ITGB1BP1: variants seen among roughly 807,000 people sequenced by gnomAD.
ITGB1BP1 encodes the protein integrin beta-1-binding protein 1.
Under a neutral mutation model 28.0 loss-of-function variants are expected in ITGB1BP1, and 20 were observed. The ratio of observed to expected loss-of-function variants is 0.71; its 90% CI spans 0.50 to 1.04. The LOEUF (loss-of-function observed/expected upper bound fraction) is 1.04. Ranked by LOEUF, ITGB1BP1 falls within the 50% of genes least tolerant of loss-of-function variation. ITGB1BP1 has a pLI of 0.00. For missense variants in ITGB1BP1, 228 were observed against 242.5 expected, an observed-to-expected ratio of 0.94 and a Z score of 0.40; for synonymous variants, 103 against 89.5, an observed-to-expected ratio of 1.15 and a Z score of -0.85.
intron 4 of ITGB1BP1, 51 bp from the exon 5 acceptor site, chr2:9,408,256 C>A: frequency 8.8e-7 from 1 of 1,141,336 alleles, no homozygotes; most frequent in South Asian, 1.2e-5. Context: ...ACATAATAGT[C>A]TTAAGTCTGA....
At chr2:9,417,427 CT>C (rs887595071) in intron 2 of ITGB1BP1, among the ~76,000 whole-genome samples, 2 of 148,350 alleles carry the variant, frequency 1.3e-5, no homozygotes, top group Admixed American at 6.7e-5. Flanking sequence ...CTTTTCTTTT[CT>C]TTTTTTTTTG....
chr2:9,407,338 G>T, intron 6 of ITGB1BP1, 111 bp downstream of exon 6: 2 of 1,237,764 alleles, frequency 1.6e-6, no homozygotes, highest in Non-Finnish European at 2.3e-6. Flanking sequence ...CTATCCCCAG[G>T]CCAAGATATT....
At chr2:9,414,919 C>T (rs1678922504) in intron 2 of ITGB1BP1, among the ~76,000 whole-genome samples, 1 of 152,180 alleles carries the variant, frequency 6.6e-6, no homozygotes. Flanking sequence ...GGGAGTTGTT[C>T]CTCAGAGCTA....
At chr2:9,423,258 C>T in intron 1 of ITGB1BP1, 115 bp downstream of exon 1, 2 of 1,167,782 alleles carry the variant, frequency 1.7e-6, no homozygotes, top group South Asian at 3.1e-5. Context: ...ATCCCTCCTC[C>T]GCCCGCCCCG....
chr2:9,414,161 C>A lies in ITGB1BP1; in HGVS notation c.151+17G>T. The A allele has an allele frequency of 1.2e-6, 2 of 1,606,112 alleles. No homozygotes were observed. Among genetic ancestry groups the A allele is most frequent in the Non-Finnish European group, 1.7e-6 (2 of 1,172,898 alleles). On this transcript the variant is annotated intron_variant, in intron 3 of 6. Coordinates refer to ENST00000355346, the MANE Select transcript of ITGB1BP1 (RefSeq NM_004763.5). The stretch of plus-strand genomic sequence containing the variant: ...ATGAAAAGCGCAGACAATCAATGAT[C>A]CAACCCTTTTATGTACCTGAGCTTT...
At position 9,404,637 on chromosome 2, in the gene ITGB1BP1, T is replaced by C. The variant is rs889986062; in HGVS notation, c.*2197A>G. On this transcript the variant is annotated 3_prime_UTR_variant, in exon 7 of 7. Coordinates refer to ENST00000355346, the MANE Select transcript of ITGB1BP1 (RefSeq NM_004763.5). ...ACAAAAGTAAAGGAATAAATTTGCA[T>C]ATAGGCTTGGAAAGTGAGGCAGCAA... 2 of 152,552 alleles carry C rather than the reference T, an allele frequency of 1.3e-5. No homozygotes were observed. Among genetic ancestry groups the C allele is most frequent in the Non-Finnish European group, 2.9e-5 (2 of 68,036 alleles). 9.4% of individuals were successfully genotyped at this position (152,552 alleles called of 1,614,324 possible).
chr2:9,415,380 AAAAC>A lies in ITGB1BP1; in HGVS notation c.73-1128_73-1125del, dbSNP rs973824608. 1.8e-4 allele frequency among the ~76,000 whole-genome samples: 28 copies of A among 152,186 alleles called. No homozygotes were observed. The highest frequency in any genetic ancestry group is 5.5e-4 in the African/African-American group (23 of 41,524). ...GGCAACAAGAGTGAAACTCCATCTC[AAAAC>A]AAACAAACAAAAACACACACACAAA... is the stretch of plus-strand genomic sequence containing the variant. On this transcript the variant is annotated intron_variant, in intron 2 of 6. Transcript: ENST00000355346. This position sits in a 1 kb window ranked among gnomAD's most constrained non-coding sequence, Gnocchi z 4.1.
Position 9,404,874 on chromosome 2 carries a change from T to TTTTTTG in ITGB1BP1, c.*1954_*1959dup, listed in dbSNP as rs1174649244. Reference sequence around the variant, plus strand: ...GGGTAAAAATGTGTTATATCTGTAGTTTTTTGTTTTTGTTTTTTTTTAAAG... The same window carrying TTTTTTG: ...GGGTAAAAATGTGTTATATCTGTAGTTTTTTGTTTTTGTTTTTGTTTTTTTTTAAAG... On this transcript the variant is annotated 3_prime_UTR_variant, in exon 7 of 7. Coordinates refer to ENST00000355346, the MANE Select transcript of ITGB1BP1 (RefSeq NM_004763.5). The TTTTTTG allele has an allele frequency of 6.6e-6, 1 of 152,514 alleles. No homozygotes were observed. The highest frequency in any genetic ancestry group is 6.5e-5 in the Admixed American group (1 of 15,268). The allele number at this position is 152,514 out of a possible 1,614,324, so 9.4% of individuals were successfully genotyped here.
chr2:9,406,887 A>G lies in ITGB1BP1; in HGVS notation c.550T>C (p.Cys184Arg), dbSNP rs1301526305. The G allele has an allele frequency of 1.2e-6, 2 of 1,612,856 alleles. No homozygotes were observed. Among genetic ancestry groups the G allele is most frequent in the Admixed American group, 3.3e-5 (2 of 60,036 alleles). ...TCAAAAGCGGTGGATAAAACCTTGC[A>G]AATGGCTTGTGCTTGTTCCTACATT... Reference protein sequence around the residue: ...CNSLEQAQAICKVLSTAFDSV... With the variant: ...CNSLEQAQAIRKVLSTAFDSV... The change falls in exon 7 of 7, where the codon TGC (cysteine) becomes CGC (arginine). Residue 184 changes from cysteine (C) to arginine (R), a missense_variant. Cys to Arg is a radical substitution (Grantham distance 180). Transcript: ENST00000355346.
In ITGB1BP1 at chr2:9,405,748, C is replaced by G. The variant is rs976593980; in HGVS notation, c.*1086G>C. On this transcript the variant is annotated 3_prime_UTR_variant, in exon 7 of 7. Coordinates refer to ENST00000355346, the MANE Select transcript of ITGB1BP1 (RefSeq NM_004763.5). Reference sequence around the variant, plus strand: ...TTGACAGTCCTTTAAAAAAAGTACACTATCATACTGTACATGGGATCTTTA... The same window carrying G: ...TTGACAGTCCTTTAAAAAAAGTACAGTATCATACTGTACATGGGATCTTTA... 9.9e-5 allele frequency: 15 copies of G among 152,040 alleles called. No homozygotes were observed. Among genetic ancestry groups the G allele is most frequent in the Non-Finnish European group, 2.1e-4 (14 of 68,038 alleles). The allele number at this position is 152,040 out of a possible 1,614,324, so 9.4% of individuals were successfully genotyped here.
rs1162919216 is a variant in ITGB1BP1, at chr2:9,406,900, T to A, written c.537A>T (p.Gln179His). The A allele has an allele frequency of 6.2e-7, 1 of 1,610,312 alleles. No individual in the cohort carries two copies. Among genetic ancestry groups the A allele is most frequent in the Admixed American group, 1.7e-5 (1 of 60,004 alleles). The change falls in exon 7 of 7, where the codon CAA becomes CAT. Residue 179 changes from glutamine to histidine, a missense_variant. Coordinates refer to ENST00000355346, the MANE Select transcript of ITGB1BP1 (RefSeq NM_004763.5). ...LWVYQCNSLE[Q>H]AQAICKVLST... ...ATAAAACCTTGCAAATGGCTTGTGC[T>A]TGTTCCTACATTACATGAAAGATAG...
rs1299059177 is a variant in ITGB1BP1 at position 9,406,309 on chromosome 2, GTT to G, written c.*523_*524del. ...CGTCTTCCTCAGGCCTTCAGTGTGT[GTT>G]TGTCACTGAGTGGACCTCTGTGACA... On this transcript the variant is annotated 3_prime_UTR_variant, in exon 7 of 7. Transcript: ENST00000355346. 1.9e-4 allele frequency: 1 copy of G among 5,280 alleles called. No homozygotes were observed. Among genetic ancestry groups the G allele is most frequent in the Non-Finnish European group, 3.6e-4 (1 of 2,742 alleles). 0.3% of individuals were successfully genotyped at this position (5,280 alleles called of 1,614,324 possible). A position where few individuals can be genotyped will look rare whatever the true frequency, so the allele number is the denominator to read the frequency against.
In ITGB1BP1 at chr2:9,415,918, C is replaced by T. The variant is rs974561089; in HGVS notation, c.73-1662G>A. Among the ~76,000 whole-genome samples, 17 of 152,294 alleles carry T rather than the reference C, an allele frequency of 1.1e-4. No homozygotes were observed. The highest frequency in any genetic ancestry group is 4.1e-4 in the South Asian group (2 of 4,826). On this transcript the variant is annotated intron_variant, in intron 2 of 6. Coordinates refer to ENST00000355346, the MANE Select transcript of ITGB1BP1 (RefSeq NM_004763.5). This position sits in a 1 kb window ranked among gnomAD's most constrained non-coding sequence, Gnocchi z 4.1. ...GTGGCACATGTGGCACATGGGAGGCCCGGCAGGCACCCGGGATGAAAGGTC... is the reference window on the plus strand; with the variant it reads ...GTGGCACATGTGGCACATGGGAGGCTCGGCAGGCACCCGGGATGAAAGGTC...
At position 9,418,750 on chromosome 2, in the gene ITGB1BP1, G is replaced by C; in HGVS notation, c.-35-18C>G. ...AAGATCCCCTGAAAAAACAAATATT[G>C]GTAACAGTTACATCGGGAAAAGCAA... On this transcript the variant is annotated intron_variant, in intron 1 of 6. Transcript: ENST00000355346. The C allele has an allele frequency of 6.5e-7, 1 of 1,537,016 alleles. No homozygotes were observed. Among genetic ancestry groups the C allele is most frequent in the Middle Eastern group, 1.7e-4 (1 of 5,886 alleles).
chr2:9,417,305 G>A (rs539342279), intron 2 of ITGB1BP1, among the ~76,000 whole-genome samples: 5 of 151,608 alleles, frequency 3.3e-5, no homozygotes, highest in Non-Finnish European at 4.4e-5. Context: ...CCTAAACTGC[G>A]ATCCTTCCAG....
Position 9,403,673 on chromosome 2 carries a change from T to C in ITGB1BP1, c.*3161A>G. The C allele has an allele frequency of 4.5e-6, 1 of 222,084 alleles. No homozygotes were observed. The highest frequency in any genetic ancestry group is 8.9e-6 in the Non-Finnish European group (1 of 111,984). The allele number at this position is 222,084 out of a possible 1,614,324, so 13.8% of individuals were successfully genotyped here. ...AATGAATAAATTCTTCCTGCATTCC[T>C]TGGCCCAGTTCTGGAGTTGGTGACC... On this transcript the variant is annotated 3_prime_UTR_variant, in exon 7 of 7. Transcript: ENST00000355346.
intron 1 of ITGB1BP1, among the ~76,000 whole-genome samples, chr2:9,419,116 T>C (rs966770352): frequency 2.0e-5 from 3 of 152,234 alleles, no homozygotes; most frequent in Non-Finnish European, 4.4e-5. Flanking sequence ...AATCACTTTA[T>C]GCAAAATAGA....
chr2:9,407,328 C>T lies in ITGB1BP1; in HGVS notation c.531+121G>A, dbSNP rs1408646013. 4 of 1,149,686 alleles carry T rather than the reference C, an allele frequency of 3.5e-6. No homozygotes were observed. In the Admixed American group the frequency reaches 6.8e-5, roughly 20 times the overall value. 71.2% of individuals were successfully genotyped at this position (1,149,686 alleles called of 1,614,324 possible). A position where few individuals can be genotyped will look rare whatever the true frequency, so the allele number is the denominator to read the frequency against. On this transcript the variant is annotated intron_variant, in intron 6 of 6. Coordinates refer to ENST00000355346, the MANE Select transcript of ITGB1BP1 (RefSeq NM_004763.5). ...TGACCTCCGGCCTAATATTCATTCACTATCCCCAGGCCAAGATATTCCATA... is the reference window on the plus strand; with the variant it reads ...TGACCTCCGGCCTAATATTCATTCATTATCCCCAGGCCAAGATATTCCATA...
Position 9,407,537 on chromosome 2 carries a change from A to C in ITGB1BP1, c.443T>G (p.Leu148Arg). 6.2e-7 allele frequency: 1 copy of C among 1,614,122 alleles called. No homozygotes were observed. The highest frequency in any genetic ancestry group is 8.5e-7 in the Non-Finnish European group (1 of 1,180,016). ...AGCCAGTAAGCTTTTTCCCGCCCCC[A>C]GACCGTCATCGTAACACACCATCCG... is the stretch of plus-strand genomic sequence containing the variant. ...IIRMVCYDDGLGAGKSLLALK... is the reference protein window; with the variant it reads ...IIRMVCYDDGRGAGKSLLALK... The change falls in exon 6 of 7, where the codon CTG becomes CGG. Residue 148 changes from leucine (L) to arginine (R), a missense_variant. By Grantham distance (102) the Leu-to-Arg change is moderately radical (BLOSUM62 -2). This residue lies in a region of ITGB1BP1 where 192 missense variants were observed against 181.6 expected (regional missense o/e 1.06). Coordinates refer to ENST00000355346, the MANE Select transcript of ITGB1BP1 (RefSeq NM_004763.5).
Sources: gnomAD v4.1 joint callset for allele counts (sites outside exome capture counted in the v4.1 genomes callset) on GRCh38, gnomAD v4.1.1 for gene constraint, gnomAD v4.1.1 regional missense constraint, Gnocchi (gnomAD v3.1) non-coding constraint, MANE v1.5 for transcripts, NCBI Gene and HGNC (gene_info 2026-07-23, HGNC 2026-07-21) for gene names.